The following SLC35A3 variants were observed in gnomAD, a reference collection of about 807,000 sequenced individuals.
SLC35A3 encodes solute carrier family 35 member A3, also known as UDP-N-acetylglucosamine transporter.
In SLC35A3, 26 loss-of-function variants were observed where a neutral mutation model predicts 39.0. The ratio of observed to expected loss-of-function variants is 0.67; its 90% CI spans 0.49 to 0.92. The LOEUF (loss-of-function observed/expected upper bound fraction) is 0.92, where lower values mean the gene tolerates loss of function less well. Ranked by LOEUF, SLC35A3 falls within the 40% of genes least tolerant of loss-of-function variation. The probability of loss-of-function intolerance (pLI) is 0.00; values close to 1 mark genes in which losing one functional copy is unlikely to be tolerated. For synonymous variants in SLC35A3, 135 were observed against 133.1 expected (o/e 1.01, Z -0.10); for missense variants, 299 against 371.6 (o/e 0.80, Z 1.61).
intron 4 of SLC35A3, chr1:100,008,494 T>G (rs965968664): frequency 6.6e-5 from 10 of 152,206 alleles, no homozygotes; most frequent in African/African-American, 2.2e-4. Context: ...TCAGAGTGAT[T>G]AGTGTGACAC....
rs1658513511 is a variant in SLC35A3, at chr1:99,997,829, C to CT, written c.188-1432_188-1431insT. 2.6e-5 allele frequency among the ~76,000 whole-genome samples: 4 copies of CT among 151,502 alleles called. No individual in the cohort carries two copies. The South Asian group carries it at 6.2e-4, about 24-fold the overall frequency. ...CAGCTGAACCTAGAAGCCTGTTTAT[C>CT]ACCAGAATGGGCTGCAGTGGTTAGA... On this transcript the variant is annotated intron_variant, in intron 2 of 7. Transcript: ENST00000533028.
chr1:100,016,063 ATTT>A (rs570217343), intron 6 of SLC35A3, among the ~76,000 whole-genome samples: 1,435 of 130,254 alleles, frequency 0.011, 7 homozygotes, highest in Middle Eastern at 0.06. Context: ...GGATACTTCT[ATTT>A]TTTTTTTTTT....
At chr1:100,012,043 T>C (rs896387673) in intron 5 of SLC35A3, among the ~76,000 whole-genome samples, 7 of 152,066 alleles carry the variant, frequency 4.6e-5, no homozygotes, top group Non-Finnish European at 7.4e-5. Flanking sequence ...ATGAACGCCT[T>C]TTATTTAAGA....
intron 2 of SLC35A3, among the ~76,000 whole-genome samples, chr1:99,998,044 G>A (rs1314629320): frequency 1.3e-5 from 2 of 152,040 alleles, no homozygotes; most frequent in African/African-American, 4.8e-5. Context: ...CAGTCTCAAT[G>A]TCGCAGTCAG....
At chr1:99,975,821 A>G (rs1048982833) in intron 1 of SLC35A3, among the ~76,000 whole-genome samples, 3 of 152,180 alleles carry the variant, frequency 2.0e-5, no homozygotes, top group African/African-American at 4.8e-5. Context: ...GCATTTTGGG[A>G]GGCCTAGGTG....
intron 2 of SLC35A3, among the ~76,000 whole-genome samples, chr1:99,997,389 TTA>T (rs1429177011): frequency 2.6e-5 from 3 of 115,160 alleles, no homozygotes; most frequent in African/African-American, 9.7e-5. Context: ...ATATATACAG[TTA>T]TATGTTTTAT....
At chr1:99,984,486 A>G (rs1657633708) in intron 1 of SLC35A3, among the ~76,000 whole-genome samples, 1 of 152,240 alleles carries the variant, frequency 6.6e-6, no homozygotes, top group Non-Finnish European at 1.5e-5. Context: ...TTGTTGATTA[A>G]TAGACATTTG....
intron 6 of SLC35A3, among the ~76,000 whole-genome samples, chr1:100,017,342 CTATT>C (rs974420129): frequency 2.6e-5 from 4 of 152,160 alleles, no homozygotes; most frequent in African/African-American, 4.8e-5. Flanking sequence ...AAATATTTCA[CTATT>C]TAAAGTGACC....
chr1:100,003,183 A>G (rs1658938170), intron 3 of SLC35A3, among the ~76,000 whole-genome samples: 1 of 152,078 alleles, frequency 6.6e-6, no homozygotes, highest in Non-Finnish European at 1.5e-5. Context: ...CGGGAGGCCA[A>G]GGTGGGTGGA....
rs150901625 is a variant in SLC35A3, at chr1:99,993,676, C to T, written c.122C>T (p.Thr41Ile). Reference sequence around the variant, plus strand: ...GAAGGACCTCGTTATCTATCTTCTACAGCAGTGGTTGTTGCTGAACTTTTG... The same window carrying T: ...GAAGGACCTCGTTATCTATCTTCTATAGCAGTGGTTGTTGCTGAACTTTTG... ...KEEGPRYLSS[T>I]AVVVAELLKI... is the part of the protein sequence containing the mutation. Residue 41 changes from threonine to isoleucine, a missense_variant, in exon 2 of 8, where the codon ACA becomes ATA. By Grantham distance (89) the Thr-to-Ile change is moderately conservative. Transcript: ENST00000533028. 3 of 1,613,990 alleles carry T rather than the reference C, an allele frequency of 1.9e-6. No individual in the cohort carries two copies. The highest frequency in any genetic ancestry group is 1.7e-6 in the Non-Finnish European group (2 of 1,179,928).
At chr1:100,005,934 A>C (rs1443871479) in intron 3 of SLC35A3, among the ~76,000 whole-genome samples, 1 of 152,140 alleles carries the variant, frequency 6.6e-6, no homozygotes, top group Non-Finnish European at 1.5e-5. Context: ...GTTTCCTTAC[A>C]TTGATATCTG....
At position 99,991,826 on chromosome 1, in the gene SLC35A3, G is replaced by T. The variant is rs146161336; in HGVS notation, c.-18-1711G>T. Among the ~76,000 whole-genome samples, 3,966 of 152,244 alleles carry T rather than the reference G, an allele frequency of 0.026. 362 individuals carry two copies. In the East Asian group the frequency reaches 0.31, roughly 12 times the overall value. On this transcript the variant is annotated intron_variant, in intron 1 of 7. Transcript: ENST00000533028. ...TGCAGTGGCATGATCTCGGCTCACT[G>T]CAACCTTCACCTCCCGAGTTCAAGC...
chr1:100,010,833 T>C (rs1659578954), intron 4 of SLC35A3, among the ~76,000 whole-genome samples: 1 of 152,230 alleles, frequency 6.6e-6, no homozygotes, highest in African/African-American at 2.4e-5. Flanking sequence ...GGTGCAATGA[T>C]CCTGGAGTCC....
At position 100,015,439 on chromosome 1, in the gene SLC35A3, T is replaced by C. The variant is rs1330903591; in HGVS notation, c.753+19T>C. On this transcript the variant is annotated intron_variant, in intron 6 of 7. Coordinates refer to ENST00000533028, the MANE Select transcript of SLC35A3 (RefSeq NM_012243.3). ...TCTTCAGGTAAAGCATTTAAAGTCT[T>C]AGATTTAATGCTAATAAACTGTATT... is the stretch of plus-strand genomic sequence containing the variant. 1.3e-6 allele frequency: 2 copies of C among 1,590,322 alleles called. No individual in the cohort carries two copies. Among genetic ancestry groups the C allele is most frequent in the Non-Finnish European group, 1.7e-6 (2 of 1,172,162 alleles).
intron 1 of SLC35A3, among the ~76,000 whole-genome samples, chr1:99,972,777 T>C (rs1656894767): frequency 6.6e-6 from 1 of 152,260 alleles, no homozygotes; most frequent in Non-Finnish European, 1.5e-5. Flanking sequence ...TGAGTTGTTA[T>C]AGAAACTTAC....
chr1:100,015,595 C>A (rs889381962), intron 6 of SLC35A3, 175 bp downstream of exon 6: 1 of 631,784 alleles, frequency 1.6e-6, no homozygotes, highest in Non-Finnish European at 2.3e-6. Context: ...GTAATGAAAT[C>A]TTATTTTGTA....
rs577844627 is a variant in SLC35A3 at position 100,031,464 on chromosome 1, C to T, written c.*8988C>T. On this transcript the variant is annotated 3_prime_UTR_variant, in exon 8 of 8. Coordinates refer to ENST00000533028, the MANE Select transcript of SLC35A3 (RefSeq NM_012243.3). ...TTTAAATTAATTCAGGTCACTTCAT[C>T]TAAGTTCAAATTCAAATACAATTGC... 1 of 152,254 alleles carries T rather than the reference C, an allele frequency of 6.6e-6. No homozygotes were observed. The highest frequency in any genetic ancestry group is 2.1e-4 in the South Asian group (1 of 4,814). The allele number at this position is 152,254 out of a possible 1,614,324, so 9.4% of individuals were successfully genotyped here.
intron 2 of SLC35A3, among the ~76,000 whole-genome samples, chr1:99,998,500 C>T (rs996748133): frequency 1.3e-5 from 2 of 152,144 alleles, no homozygotes; most frequent in African/African-American, 2.4e-5. Flanking sequence ...TTCTAGCATC[C>T]ACCTTCCCAC....
At chr1:100,021,461 C>T in intron 7 of SLC35A3, among the ~76,000 whole-genome samples, 1 of 151,922 alleles carries the variant, frequency 6.6e-6, no homozygotes, top group Non-Finnish European at 1.5e-5. Flanking sequence ...TCACTTGAGC[C>T]CAGGAGTTCA....
Sources: allele counts gnomAD v4.1 joint callset (sites outside exome capture counted in the v4.1 genomes callset), GRCh38; gene constraint gnomAD v4.1.1; transcripts MANE v1.5; gene names NCBI Gene and HGNC (gene_info 2026-07-23, HGNC 2026-07-21).